Variants in CHL1 observed in about 807,000 individuals in gnomAD.
CHL1 encodes neural cell adhesion molecule L1-like protein.
Under a neutral mutation model 141.9 loss-of-function variants are expected in CHL1, and 96 were observed. The observed-to-expected ratio is 0.68, with a 90% CI of 0.57 to 0.80. The LOEUF (loss-of-function observed/expected upper bound fraction) is 0.80, where lower values mean the gene tolerates loss of function less well. Ranked by LOEUF, CHL1 falls within the 30% of genes least tolerant of loss-of-function variation. The probability of loss-of-function intolerance (pLI) is 0.00; values close to 1 mark genes in which losing one functional copy is unlikely to be tolerated. For synonymous variants in CHL1, 613 were observed against 502.2 expected, an observed-to-expected ratio of 1.22 and a Z score of -2.95; for missense variants, 1,820 against 1,457.2, an observed-to-expected ratio of 1.25 and a Z score of -4.05.
At chr3:362,809 A>G (rs142330647) in intron 13 of CHL1, among the ~76,000 whole-genome samples, 60 of 152,284 alleles carry the variant, frequency 3.9e-4, no homozygotes, top group Admixed American at 1.2e-3. Context: ...TGAATGACCA[A>G]TGTTCTCCCA....
In CHL1 at chr3:363,268, T is replaced by C. The variant is rs778786164; in HGVS notation, c.1470T>C (p.Tyr490=). The C allele has an allele frequency of 8.7e-6, 14 of 1,613,550 alleles. No individual in the cohort carries two copies. Among genetic ancestry groups the C allele is most frequent in the Non-Finnish European group, 9.3e-6 (11 of 1,179,728 alleles). Residue 490 remains tyrosine (Y), a synonymous_variant, in exon 14 of 28, where the codon TAT becomes TAC. Coordinates refer to ENST00000256509, the MANE Select transcript of CHL1 (RefSeq NM_006614.4). ...KPLEGRRYHI[Y]ENGTLQINRT... Reference sequence around the variant, plus strand: ...TGGAGGGCAGGCGGTATCATATCTATGAAAATGGCACATTGCAGATCAACA... The same window carrying C: ...TGGAGGGCAGGCGGTATCATATCTACGAAAATGGCACATTGCAGATCAACA...
chr3:377,488 C>G (rs190187033), intron 15 of CHL1, among the ~76,000 whole-genome samples: 1 of 152,132 alleles, frequency 6.6e-6, no homozygotes, highest in Non-Finnish European at 1.5e-5. Context: ...AAGAATTACT[C>G]AAATATATCT....
intron 2 of CHL1, among the ~76,000 whole-genome samples, chr3:264,338 A>G (rs756136525): frequency 6.6e-6 from 1 of 152,198 alleles, no homozygotes; most frequent in Non-Finnish European, 1.5e-5. Flanking sequence ...TCTATTCTGT[A>G]TTCCAGTAGA....
At chr3:348,146 G>A (rs180918269) in intron 9 of CHL1, among the ~76,000 whole-genome samples, 290 of 152,232 alleles carry the variant, frequency 1.9e-3, no homozygotes, top group African/African-American at 6.8e-3. Context: ...AGGTTGAAAA[G>A]CACAAAATAA....
chr3:276,706 G>GCT (rs1559369543), intron 2 of CHL1, among the ~76,000 whole-genome samples: 2 of 151,690 alleles, frequency 1.3e-5, no homozygotes, highest in African/African-American at 4.8e-5. Flanking sequence ...TGGCTAACAG[G>GCT]GTGAAATCCC....
intron 2 of CHL1, among the ~76,000 whole-genome samples, chr3:313,269 T>C (rs768618562): frequency 6.6e-6 from 1 of 152,172 alleles, no homozygotes; most frequent in Non-Finnish European, 1.5e-5. Flanking sequence ...CTAAAACTGT[T>C]TGTGAATAAT....
intron 2 of CHL1, among the ~76,000 whole-genome samples, chr3:309,693 T>G (rs1357251065): frequency 1.3e-5 from 2 of 151,948 alleles, no homozygotes; most frequent in African/African-American, 4.8e-5. Flanking sequence ...AAAGAAAATC[T>G]TTGTAGAGAT....
Position 328,313 on chromosome 3 carries a change from T to A in CHL1, c.344T>A (p.Leu115Gln). 1 of 1,612,020 alleles carries A rather than the reference T, an allele frequency of 6.2e-7. No homozygotes were observed. The highest frequency in any genetic ancestry group is 8.5e-7 in the Non-Finnish European group (1 of 1,178,824). Reference protein sequence around the residue: ...GKYRCFASNKLGIAMSEEIEF... With the variant: ...GKYRCFASNKQGIAMSEEIEF... ...TACCGCTGCTTTGCTTCAAATAAAC[T>A]GGGAATCGCTATGTCAGAAGAAATA... Residue 115 changes from leucine to glutamine, a missense_variant, in exon 5 of 28, where the codon CTG becomes CAG. Transcript: ENST00000256509.
chr3:241,307 G>A (rs77454957), intron 1 of CHL1, among the ~76,000 whole-genome samples: 2,965 of 152,284 alleles, frequency 0.019, 41 homozygotes, highest in Non-Finnish European at 0.027. Context: ...AGCATGGCAA[G>A]CAATCACCAT....
chr3:390,873 A>G, intron 21 of CHL1, 57 bp downstream of exon 21: 2 of 1,502,340 alleles, frequency 1.3e-6, no homozygotes, highest in Non-Finnish European at 1.9e-6. Flanking sequence ...TCCTGAGAAT[A>G]AAGAAGAATT....
chr3:328,124 G>C (rs1178514861), intron 4 of CHL1, 43 bp from the exon 5 acceptor site: 4 of 1,479,754 alleles, frequency 2.7e-6, no homozygotes, highest in Middle Eastern at 3.5e-4. Flanking sequence ...CTAAACATAT[G>C]TCATTATTTT....
rs10570525 is a variant in CHL1, at chr3:331,209, TTTTG to T, written c.385+2883_385+2886del. Among the ~76,000 whole-genome samples, 655 of 150,550 alleles carry T rather than the reference TTTTG, an allele frequency of 4.4e-3. 5 individuals carry two copies. The highest frequency in any genetic ancestry group is 0.014 in the African/African-American group (569 of 40,942). ...CCTTTCTTTTCTTCCTTTCTGGCTT[TTTTG>T]TTTGTTTGTTTGTTTGTTTGTTTGT... On this transcript the variant is annotated intron_variant, in intron 5 of 27. Coordinates refer to ENST00000256509, the MANE Select transcript of CHL1 (RefSeq NM_006614.4).
intron 1 of CHL1, among the ~76,000 whole-genome samples, chr3:218,483 C>T (rs1234388184): frequency 6.6e-6 from 1 of 152,166 alleles, no homozygotes; most frequent in African/African-American, 2.4e-5. Context: ...CCCACATCCT[C>T]TTTTCCAAAG....
intron 2 of CHL1, among the ~76,000 whole-genome samples, chr3:254,232 C>G (rs1281743506): frequency 6.6e-6 from 1 of 152,188 alleles, no homozygotes; most frequent in African/African-American, 2.4e-5. Flanking sequence ...CCAACACCAT[C>G]AGCTCAGCTC....
chr3:217,068 T>A (rs1038524968), intron 1 of CHL1, among the ~76,000 whole-genome samples: 1 of 152,108 alleles, frequency 6.6e-6, no homozygotes, highest in South Asian at 2.1e-4. Flanking sequence ...GTAGCTTGAT[T>A]TTCCCCCACC....
At chr3:240,121 T>A (rs1019600462) in intron 1 of CHL1, among the ~76,000 whole-genome samples, 2 of 152,210 alleles carry the variant, frequency 1.3e-5, no homozygotes, top group African/African-American at 4.8e-5. Flanking sequence ...GTAGTGGGAT[T>A]GCTGAATCAA....
chr3:344,827 T>G, intron 9 of CHL1, 118 bp downstream of exon 9: 1 of 1,077,046 alleles, frequency 9.3e-7, no homozygotes. Flanking sequence ...TTAAAAAAAT[T>G]AAATTCTGCC....
chr3:354,809 C>T (rs1703575763), intron 11 of CHL1, 38 bp downstream of exon 11: 4 of 1,608,726 alleles, frequency 2.5e-6, no homozygotes, highest in South Asian at 1.1e-5. Context: ...ATGCTGAAGG[C>T]CCTGGTTTGA....
At position 334,739 on chromosome 3, in the gene CHL1, T is replaced by C. The variant is rs77060817; in HGVS notation, c.386-6055T>C. ...TTATAAATAGTGATACTGCAAATTC[T>C]CTGGGGTTATTAAAGCATTTAGTTG... On this transcript the variant is annotated intron_variant, in intron 5 of 27. Coordinates refer to ENST00000256509, the MANE Select transcript of CHL1 (RefSeq NM_006614.4). Among the ~76,000 whole-genome samples the C allele has an allele frequency of 7.1e-3, 1,084 of 152,332 alleles. 17 individuals are homozygous for C. Among genetic ancestry groups the C allele is most frequent in the African/African-American group, 0.025 (1,040 of 41,558 alleles).
Sources: gnomAD v4.1 joint callset for allele counts (sites outside exome capture counted in the v4.1 genomes callset) on GRCh38, gnomAD v4.1.1 for gene constraint, MANE v1.5 for transcripts, NCBI Gene and HGNC (gene_info 2026-07-23, HGNC 2026-07-21) for gene names.